Variants in MAPT observed in about 807,000 individuals in gnomAD.
The protein encoded by MAPT is microtubule-associated protein tau.
In MAPT, 34 loss-of-function variants were observed where a neutral mutation model predicts 67.9. The ratio of observed to expected loss-of-function variants is 0.50; its 90% CI spans 0.38 to 0.67. The LOEUF is 0.67. Ranked by LOEUF, MAPT falls within the 30% of genes least tolerant of loss-of-function variation. MAPT has a pLI of 0.00. For synonymous variants in MAPT, 456 were observed against 464.5 expected (o/e 0.98, Z 0.23); for missense variants, 881 against 1,115.2 (o/e 0.79, Z 2.99).
chr17:45,962,424 C>T lies in MAPT; in HGVS notation c.87C>T (p.Tyr29=), dbSNP rs1225695055. The part of the protein sequence containing the change: ...GLGDRKDQGG[Y]TMHQDQEGDT... ...GGGACAGGAAAGATCAGGGGGGCTACACCATGCACCAAGACCAAGAGGGTG... is the reference window on the plus strand; with the variant it reads ...GGGACAGGAAAGATCAGGGGGGCTATACCATGCACCAAGACCAAGAGGGTG... Residue 29 remains tyrosine, a synonymous_variant, in exon 2 of 13, where the codon TAC becomes TAT. Coordinates refer to ENST00000262410, the MANE Select transcript of MAPT (RefSeq NM_001377265.1). 5 of 1,612,816 alleles carry T rather than the reference C, an allele frequency of 3.1e-6. No individual in the cohort carries two copies. Among genetic ancestry groups the T allele is most frequent in the Non-Finnish European group, 4.2e-6 (5 of 1,179,938 alleles).
Position 45,983,935 on chromosome 17 carries a change from G to A in MAPT, c.1351+5G>A. 1.3e-6 allele frequency: 2 copies of A among 1,551,560 alleles called. No individual in the cohort carries two copies. Among genetic ancestry groups the A allele is most frequent in the Non-Finnish European group, 1.7e-6 (2 of 1,154,362 alleles). ...GCCGGGTCCCTCAACTCAAAGGTCTGTGTCTTGAGCTTCTTCGCTCCTTCC... is the reference window on the plus strand; with the variant it reads ...GCCGGGTCCCTCAACTCAAAGGTCTATGTCTTGAGCTTCTTCGCTCCTTCC... On this transcript the variant is annotated splice_donor_5th_base_variant and intron_variant, in intron 5 of 12. Coordinates refer to ENST00000262410, the MANE Select transcript of MAPT (RefSeq NM_001377265.1).
At chr17:45,992,842 GA>G (rs1288355791) in intron 8 of MAPT, among the ~76,000 whole-genome samples, 6 of 146,896 alleles carry the variant, frequency 4.1e-5, no homozygotes, top group Non-Finnish European at 8.9e-5. Context: ...AGTGAGCTGA[GA>G]TCGCACCATT....
chr17:45,978,147 G>C, intron 3 of MAPT: 1 of 592,474 alleles, frequency 1.7e-6, no homozygotes, highest in Non-Finnish European at 3.0e-6. Context: ...CTAGGTCATA[G>C]CTACACCTGC....
Position 45,982,979 on chromosome 17 carries a change from C to A in MAPT, c.400C>A (p.Pro134Thr). The A allele has an allele frequency of 2.1e-6, 3 of 1,438,114 alleles. No individual in the cohort carries two copies. Among genetic ancestry groups the A allele is most frequent in the Non-Finnish European group, 2.7e-6 (3 of 1,098,952 alleles). 89.1% of individuals were successfully genotyped at this position (1,438,114 alleles called of 1,614,324 possible). A position where few individuals can be genotyped will look rare whatever the true frequency, so the allele number is the denominator to read the frequency against. Residue 134 changes from proline to threonine, a missense_variant, in exon 5 of 13, where the codon CCG becomes ACG. Transcript: ENST00000262410. ...PCGEASGVSG[P>T]CLGEKEPEAP... ...CGGAGAGGCCTCTGGGGTCTCTGGG[C>A]CGTGCCTCGGGGAGAAAGAGCCAGA... is the stretch of plus-strand genomic sequence containing the variant.
intron 1 of MAPT, among the ~76,000 whole-genome samples, chr17:45,934,614 C>T (rs990761780): frequency 6.6e-6 from 1 of 152,224 alleles, no homozygotes; most frequent in African/African-American, 2.4e-5. Flanking sequence ...CTGCAGTCAG[C>T]ACAGATGCAG....
At chr17:45,962,509 C>T in intron 2 of MAPT, 39 bp downstream of exon 2, 1 of 1,610,774 alleles carries the variant, frequency 6.2e-7, no homozygotes, top group Non-Finnish European at 8.5e-7. Context: ...CAGATCACTG[C>T]AAGCCAAGGG....
At chr17:45,910,422 T>G (rs1027657825) in intron 1 of MAPT, among the ~76,000 whole-genome samples, 1 of 151,904 alleles carries the variant, frequency 6.6e-6, no homozygotes, top group Non-Finnish European at 1.5e-5. Flanking sequence ...GAACCCAGGA[T>G]TTGTGCTTCT....
At chr17:46,008,998 A>G (rs1032382084) in intron 9 of MAPT, among the ~76,000 whole-genome samples, 3 of 152,184 alleles carry the variant, frequency 2.0e-5, no homozygotes, top group Non-Finnish European at 4.4e-5. Context: ...AGGAGTTTCA[A>G]ACTATCCTGG....
intron 8 of MAPT, among the ~76,000 whole-genome samples, chr17:45,994,556 C>G (rs2074323796): frequency 6.6e-6 from 1 of 152,206 alleles, no homozygotes; most frequent in Non-Finnish European, 1.5e-5. Context: ...GGCACGGTGG[C>G]TCACGTCTAT....
intron 10 of MAPT, among the ~76,000 whole-genome samples, chr17:46,013,328 C>T (rs576298528): frequency 6.6e-6 from 1 of 152,332 alleles, no homozygotes; most frequent in African/African-American, 2.4e-5. Flanking sequence ...TGCATAGAGG[C>T]CTGCCTCCAA....
intron 7 of MAPT, 51 bp downstream of exon 7, chr17:45,990,126 A>G: frequency 6.4e-7 from 1 of 1,550,840 alleles, no homozygotes; most frequent in Non-Finnish European, 8.9e-7. Flanking sequence ...GTGGTTTGCA[A>G]ATGTGGGGTT....
At chr17:45,937,650 AAAG>A (rs1298936408) in intron 1 of MAPT, among the ~76,000 whole-genome samples, 1 of 151,944 alleles carries the variant, frequency 6.6e-6, no homozygotes, top group African/African-American at 2.4e-5. Context: ...GAAAAAAAAA[AAAG>A]AAGGGAAGGG....
chr17:46,004,553 T>C (rs1156343238), intron 9 of MAPT, among the ~76,000 whole-genome samples: 2 of 152,218 alleles, frequency 1.3e-5, no homozygotes, highest in South Asian at 2.1e-4. Flanking sequence ...AGCTGAGAAA[T>C]TAAATTTCAG....
intron 12 of MAPT, among the ~76,000 whole-genome samples, chr17:46,023,550 C>T (rs62062296): frequency 0.14 from 21,765 of 152,234 alleles, 2,112 homozygotes; most frequent in Non-Finnish European, 0.22. Context: ...ATAAAAACAA[C>T]AGCTCCTGGC....
At chr17:45,939,224 G>A (rs896126737) in intron 1 of MAPT, among the ~76,000 whole-genome samples, 2 of 147,524 alleles carry the variant, frequency 1.4e-5, no homozygotes, top group African/African-American at 2.4e-5. Flanking sequence ...CTCCCAAAGT[G>A]CTGGGATTAC....
At chr17:45,960,842 A>C (rs1420952081) in intron 1 of MAPT, among the ~76,000 whole-genome samples, 1 of 12,368 alleles carries the variant, frequency 8.1e-5, no homozygotes, top group Non-Finnish European at 2.1e-4. Context: ...CACAGGGGCC[A>C]AAAAAAAAAA....
chr17:45,997,071 G>A (rs2074544573), intron 9 of MAPT, among the ~76,000 whole-genome samples: 1 of 152,240 alleles, frequency 6.6e-6, no homozygotes, highest in African/African-American at 2.4e-5. Flanking sequence ...CCATAGGTCA[G>A]CATCTCCACT....
chr17:46,009,253 C>T (rs1208418748), intron 9 of MAPT, among the ~76,000 whole-genome samples: 1 of 152,128 alleles, frequency 6.6e-6, no homozygotes, highest in East Asian at 1.9e-4. Context: ...CCACTGTTTC[C>T]AGAGTTCCTG....
intron 1 of MAPT, among the ~76,000 whole-genome samples, chr17:45,946,529 G>A (rs1260200376): frequency 6.7e-6 from 1 of 148,780 alleles, no homozygotes. Context: ...AACCCGAGAG[G>A]TAGAGGTTGC....
Sources: gnomAD v4.1 joint callset for allele counts (sites outside exome capture counted in the v4.1 genomes callset) on GRCh38, gnomAD v4.1.1 for gene constraint, MANE v1.5 for transcripts, NCBI Gene and HGNC (gene_info 2026-07-23, HGNC 2026-07-21) for gene names.